The following RAPGEF6 variants were observed in gnomAD, a reference collection of about 807,000 sequenced individuals.
The protein encoded by RAPGEF6 is Rap guanine nucleotide exchange factor 6.
RAPGEF6 carries 56 observed loss-of-function variants against 171.4 expected under a neutral mutation model. The ratio of observed to expected loss-of-function variants is 0.33; its 90% CI spans 0.26 to 0.41. RAPGEF6 has a LOEUF of 0.41. RAPGEF6 is among the 10% of genes least tolerant of loss of function. The probability of loss-of-function intolerance (pLI) is 1.00; values close to 1 mark genes in which losing one functional copy is unlikely to be tolerated. For missense variants in RAPGEF6, 1,674 were observed against 1,921.4 expected (o/e 0.87, Z 2.41); for synonymous variants, 692 against 650.1 (o/e 1.06, Z -0.98).
chr5:131,561,847 T>C lies in RAPGEF6; in HGVS notation c.351+131A>G, dbSNP rs1761624380. On this transcript the variant is annotated intron_variant, in intron 5 of 27. Coordinates refer to ENST00000509018, the MANE Select transcript of RAPGEF6 (RefSeq NM_016340.6). Reference sequence around the variant, plus strand: ...AGAAATAGATAAACCTGGTAGATAGTTCTGATGCTACTTGATGAAATCTCT... The same window carrying C: ...AGAAATAGATAAACCTGGTAGATAGCTCTGATGCTACTTGATGAAATCTCT... The C allele has an allele frequency of 5.9e-6, 4 of 677,140 alleles. 1 individual carries two copies. The highest frequency in any genetic ancestry group is 1.0e-5 in the Non-Finnish European group (4 of 397,036). 41.9% of individuals were successfully genotyped at this position (677,140 alleles called of 1,614,324 possible). A position where few individuals can be genotyped will look rare whatever the true frequency, so the allele number is the denominator to read the frequency against.
chr5:131,563,216 A>C (rs1761715958), intron 4 of RAPGEF6, among the ~76,000 whole-genome samples: 1 of 152,116 alleles, frequency 6.6e-6, no homozygotes, highest in East Asian at 1.9e-4. Context: ...AAACATATAA[A>C]TATTACTCCA....
At chr5:131,555,063 T>C (rs1761147736) in intron 5 of RAPGEF6, among the ~76,000 whole-genome samples, 1 of 152,142 alleles carries the variant, frequency 6.6e-6, no homozygotes, top group Non-Finnish European at 1.5e-5. Context: ...AAGAATCTCA[T>C]GTCAAATATA....
chr5:131,503,044 C>G lies in RAPGEF6; in HGVS notation c.1254+1582G>C, dbSNP rs1044111722. Among the ~76,000 whole-genome samples, 3 of 152,180 alleles carry G rather than the reference C, an allele frequency of 2.0e-5. No individual in the cohort carries two copies. The East Asian group carries it at 5.8e-4, about 29-fold the overall frequency. On this transcript the variant is annotated intron_variant, in intron 11 of 27. Coordinates refer to ENST00000509018, the MANE Select transcript of RAPGEF6 (RefSeq NM_016340.6). ...TCTCGAACTCCTGACCTCAAATGAT[C>G]TGTCTACCTTGGCCTCCCAAAGTGC...
intron 3 of RAPGEF6, among the ~76,000 whole-genome samples, chr5:131,600,602 GA>G (rs1764178292): frequency 6.9e-6 from 1 of 144,004 alleles, no homozygotes; most frequent in African/African-American, 2.6e-5. Flanking sequence ...GAGGGGAAGG[GA>G]GGGGAGAGAA....
chr5:131,446,436 AT>A, intron 22 of RAPGEF6, 46 bp downstream of exon 22: 2 of 1,514,216 alleles, frequency 1.3e-6, no homozygotes, highest in Non-Finnish European at 1.8e-6. Flanking sequence ...ATAAGTTTTT[AT>A]TTTGTTGTGC....
At chr5:131,581,850 G>A (rs1249589806) in intron 4 of RAPGEF6, among the ~76,000 whole-genome samples, 1 of 151,800 alleles carries the variant, frequency 6.6e-6, no homozygotes, top group African/African-American at 2.4e-5. Flanking sequence ...AATGTACTTT[G>A]TAACATTCCT....
intron 5 of RAPGEF6, 75 bp downstream of exon 5, chr5:131,561,903 T>A: frequency 9.2e-7 from 1 of 1,086,776 alleles, no homozygotes; most frequent in Non-Finnish European, 1.4e-6. Context: ...CCTCCTTAAG[T>A]GTTTAAAGCC....
intron 4 of RAPGEF6, among the ~76,000 whole-genome samples, chr5:131,571,324 T>C (rs985015820): frequency 5.3e-5 from 8 of 151,982 alleles, no homozygotes; most frequent in African/African-American, 1.9e-4. Context: ...TTTCCCCTAG[T>C]ACAACAAGGA....
chr5:131,437,542 A>G (rs1752090424), intron 24 of RAPGEF6, among the ~76,000 whole-genome samples: 1 of 152,236 alleles, frequency 6.6e-6, no homozygotes, highest in African/African-American at 2.4e-5. Context: ...CTTATCCTAC[A>G]TCGCAAGATC....
chr5:131,485,982 T>C lies in RAPGEF6; in HGVS notation c.1840+3564A>G, dbSNP rs78938704. On this transcript the variant is annotated intron_variant, in intron 15 of 27. Coordinates refer to ENST00000509018, the MANE Select transcript of RAPGEF6 (RefSeq NM_016340.6). ...ATTATTTTTAGAAATAACAAGTTGC[T>C]GTTAGTATCCTCTAAAGAACATATT... 5.9e-3 allele frequency among the ~76,000 whole-genome samples: 904 copies of C among 152,346 alleles called. 6 individuals are homozygous for C. The highest frequency in any genetic ancestry group is 9.5e-3 in the Non-Finnish European group (644 of 68,034).
At position 131,479,732 on chromosome 5, in the gene RAPGEF6, CT is replaced by C; in HGVS notation, c.1861del (p.Arg621GlyfsTer78). 1 of 1,613,750 alleles carries C rather than the reference CT, an allele frequency of 6.2e-7. No homozygotes were observed. Among genetic ancestry groups the C allele is most frequent in the Non-Finnish European group, 8.5e-7 (1 of 1,179,896 alleles). ...NIFVFKELLFRTEQEKSGVPH... is the reference protein window; with the variant it reads ...NIFVFKELLFXTEQEKSGVPH... The stretch of plus-strand genomic sequence containing the variant: ...AACACCAGATTTCTCTTGTTCAGTC[CT>C]AAAAAGTAACTCTTTGAACACTGTG... On this transcript the variant is annotated frameshift_variant, in exon 16 of 28. Coordinates refer to ENST00000509018, the MANE Select transcript of RAPGEF6 (RefSeq NM_016340.6). LOFTEE classifies it high-confidence loss of function.
chr5:131,605,634 C>T lies in RAPGEF6; in HGVS notation c.70-941G>A, dbSNP rs1447145027. 2.0e-5 allele frequency among the ~76,000 whole-genome samples: 3 copies of T among 152,300 alleles called. No individual in the cohort carries two copies. The East Asian group carries it at 5.8e-4, about 29-fold the overall frequency. ...ACTGCCTTCCCACTCTGATATACAA[C>T]TGGCCAAGAAAATTATCAGATAGTA... is the stretch of plus-strand genomic sequence containing the variant. On this transcript the variant is annotated intron_variant, in intron 1 of 27. Transcript: ENST00000509018.
chr5:131,489,428 G>C, intron 15 of RAPGEF6, 118 bp downstream of exon 15: 2 of 632,858 alleles, frequency 3.2e-6, no homozygotes, highest in South Asian at 4.0e-5. Context: ...TCTGAAACTA[G>C]CTGAAGAGCT....
chr5:131,616,551 G>T (rs371216267), intron 1 of RAPGEF6, among the ~76,000 whole-genome samples: 1 of 152,162 alleles, frequency 6.6e-6, no homozygotes, highest in African/African-American at 2.4e-5. Flanking sequence ...AAACTGGGAT[G>T]CTTAAAAAAT....
intron 25 of RAPGEF6, 145 bp from the exon 26 acceptor site, chr5:131,431,494 T>C (rs1308228629): frequency 4.1e-5 from 34 of 821,026 alleles, no homozygotes; most frequent in Non-Finnish European, 6.3e-5. Context: ...AACAATATTA[T>C]CATCATTCAT....
At position 131,428,963 on chromosome 5, in the gene RAPGEF6, A is replaced by G; in HGVS notation, c.4719T>C (p.His1573=). The part of the protein sequence containing the change: ...PSKIVTQPQR[H]NLQPFHPKLG... ...GTTTAGGATGGAATGGCTGCAAATT[A>G]TGCCTCTGAGGCTGAGTTACAATCT... The change falls in exon 27 of 28, where the codon CAT becomes CAC. Residue 1573 remains histidine (H), a synonymous_variant. Coordinates refer to ENST00000509018, the MANE Select transcript of RAPGEF6 (RefSeq NM_016340.6). 6.2e-7 allele frequency: 1 copy of G among 1,614,234 alleles called. No individual in the cohort carries two copies. The highest frequency in any genetic ancestry group is 8.5e-7 in the Non-Finnish European group (1 of 1,180,036).
chr5:131,447,187 G>A (rs1752775985), intron 21 of RAPGEF6: 1 of 154,192 alleles, frequency 6.5e-6, no homozygotes, highest in South Asian at 2.0e-4. Context: ...GGCCCACTGT[G>A]AGCATGTTAA....
chr5:131,543,854 A>G (rs6596027), intron 6 of RAPGEF6, among the ~76,000 whole-genome samples: 118,443 of 151,958 alleles, frequency 0.78, 46,481 homozygotes, highest in African/African-American at 0.83. Flanking sequence ...GAAATTTCTG[A>G]AACTATATGA....
chr5:131,625,368 T>G (rs1765845680), intron 1 of RAPGEF6, among the ~76,000 whole-genome samples: 1 of 152,184 alleles, frequency 6.6e-6, no homozygotes, highest in African/African-American at 2.4e-5. Flanking sequence ...CAAAAAAGTC[T>G]GGGGGAGGAG....
Sources: allele counts gnomAD v4.1 joint callset (sites outside exome capture counted in the v4.1 genomes callset), GRCh38; gene constraint gnomAD v4.1.1; transcripts MANE v1.5; gene names NCBI Gene and HGNC (gene_info 2026-07-23, HGNC 2026-07-21).